The following ARID2 variants were observed in gnomAD, a reference collection of about 807,000 sequenced individuals.
ARID2 encodes AT-rich interaction domain 2, also known as AT-rich interactive domain-containing protein 2.
A neutral mutation model predicts 184.6 loss-of-function variants in ARID2; 32 were observed. The ratio of observed to expected loss-of-function variants is 0.17; its 90% CI spans 0.13 to 0.23. The LOEUF (loss-of-function observed/expected upper bound fraction) is 0.23, where lower values mean the gene tolerates loss of function less well. ARID2 is among the 10% of genes least tolerant of loss of function. The pLI, the probability that ARID2 is intolerant of heterozygous loss-of-function variation, is 1.00. For missense variants in ARID2, 1,696 were observed against 2,197.6 expected (o/e 0.77, Z 4.56); for synonymous variants, 836 against 772.6 (o/e 1.08, Z -1.36).
rs1391526207 is a variant in ARID2 at position 45,802,446 on chromosome 12, CACCCTTTAAAAAAT to C, written c.285-8971_285-8958del. 4.6e-5 allele frequency among the ~76,000 whole-genome samples: 7 copies of C among 152,234 alleles called. No homozygotes were observed. In the East Asian group the frequency reaches 1.3e-3, roughly 29 times the overall value. Reference sequence around the variant, plus strand: ...TAGAGAGAAAATACTTTTTAAAAAACACCCTTTAAAAAATGTTCCATATTGCGTGAATTTCTTTT... The same window carrying C: ...TAGAGAGAAAATACTTTTTAAAAAACGTTCCATATTGCGTGAATTTCTTTT... On this transcript the variant is annotated intron_variant, in intron 3 of 20. Transcript: ENST00000334344.
intron 3 of ARID2, among the ~76,000 whole-genome samples, chr12:45,746,100 A>ATTTTTTT (rs34374158): frequency 1.4e-5 from 2 of 140,220 alleles, no homozygotes; most frequent in Admixed American, 7.1e-5. Flanking sequence ...TTCTGGTTTG[A>ATTTTTTT]TTTTTTTTTT....
chr12:45,759,578 G>A (rs1941635727), intron 3 of ARID2, among the ~76,000 whole-genome samples: 1 of 151,994 alleles, frequency 6.6e-6, no homozygotes, highest in Non-Finnish European at 1.5e-5. Flanking sequence ...TTGAAATAGA[G>A]GAAAATATGT....
Position 45,905,281 on chromosome 12 carries a change from AG to A in ARID2, c.*205del, listed in dbSNP as rs1394925433. 4 of 472,260 alleles carry A rather than the reference AG, an allele frequency of 8.5e-6. No homozygotes were observed. Among genetic ancestry groups the A allele is most frequent in the East Asian group, 3.5e-5 (1 of 28,342 alleles). 29.3% of individuals were successfully genotyped at this position (472,260 alleles called of 1,614,324 possible). On this transcript the variant is annotated 3_prime_UTR_variant, in exon 21 of 21. Transcript: ENST00000334344. ...TGTTTAAAAAAATCTAAAAAGAAAAAGGAAAAAAAAAAAAGAACTGCTGTGG... is the reference window on the plus strand; with the variant it reads ...TGTTTAAAAAAATCTAAAAAGAAAAAGAAAAAAAAAAAAGAACTGCTGTGG...
chr12:45,848,739 T>C, intron 12 of ARID2, 97 bp from the exon 13 acceptor site: 1 of 1,018,794 alleles, frequency 9.8e-7, no homozygotes, highest in East Asian at 2.8e-5. Flanking sequence ...GGTATAATTA[T>C]TAGTTTTAAC....
At chr12:45,902,583 G>A (rs1310541023) in intron 20 of ARID2, among the ~76,000 whole-genome samples, 6 of 151,148 alleles carry the variant, frequency 4.0e-5, no homozygotes, top group Admixed American at 4.0e-4. Flanking sequence ...CCAGGCTGGA[G>A]TGTAGTGGTG....
chr12:45,760,250 G>A (rs1355429325), intron 3 of ARID2, among the ~76,000 whole-genome samples: 2 of 152,136 alleles, frequency 1.3e-5, no homozygotes, highest in Non-Finnish European at 2.9e-5. Context: ...TAATTGAAGT[G>A]TCTCTTTGGG....
intron 16 of ARID2, among the ~76,000 whole-genome samples, chr12:45,871,808 G>C (rs1369071935): frequency 2.0e-5 from 3 of 152,140 alleles, no homozygotes; most frequent in Non-Finnish European, 4.4e-5. Context: ...ATGTTATTCA[G>C]ATTATCTGTT....
chr12:45,782,426 G>A (rs545715852), intron 3 of ARID2, among the ~76,000 whole-genome samples: 16 of 152,256 alleles, frequency 1.1e-4, no homozygotes, highest in African/African-American at 3.9e-4. Context: ...GAGGTGAGGA[G>A]TTAAAGACCA....
rs146219095 is a variant in ARID2 at position 45,860,807 on chromosome 12, C to T, written c.4780C>T (p.Pro1594Ser). 1 of 1,587,662 alleles carries T rather than the reference C, an allele frequency of 6.3e-7. No individual in the cohort carries two copies. The highest frequency in any genetic ancestry group is 1.2e-5 in the South Asian group (1 of 85,384). The change falls in exon 16 of 21, where the codon CCT becomes TCT. Residue 1594 changes from proline to serine, a missense_variant. By Grantham distance (74) the Pro-to-Ser change is moderately conservative. Coordinates refer to ENST00000334344, the MANE Select transcript of ARID2 (RefSeq NM_152641.4). ...CATTTGTTCTTTTTCACAGAACACT[C>T]CTATGCCACCTTCACCAGCTGTACA... ...YVQNVVPQNTPMPPSPAVQVQ... is the reference protein window; with the variant it reads ...YVQNVVPQNTSMPPSPAVQVQ...
Position 45,837,538 on chromosome 12 carries a change from T to C in ARID2, c.1161T>C (p.Asn387=). The C allele has an allele frequency of 6.2e-7, 1 of 1,614,042 alleles. No homozygotes were observed. Among genetic ancestry groups the C allele is most frequent in the South Asian group, 1.1e-5 (1 of 91,080 alleles). ...ILGNLCKAED[N]GVLICEYVDQ... is the part of the protein sequence containing the mutation. Reference sequence around the variant, plus strand: ...GAAATCTTTGCAAAGCAGAAGATAATGGTGTTTTAATTTGTGAATATGTGG... The same window carrying C: ...GAAATCTTTGCAAAGCAGAAGATAACGGTGTTTTAATTTGTGAATATGTGG... Residue 387 remains asparagine (N), a synonymous_variant, in exon 10 of 21, where the codon AAT becomes AAC. Transcript: ENST00000334344.
chr12:45,851,496 C>A lies in ARID2; in HGVS notation c.3373C>A (p.Gln1125Lys). The A allele has an allele frequency of 6.2e-7, 1 of 1,614,130 alleles. No homozygotes were observed. Among genetic ancestry groups the A allele is most frequent in the Non-Finnish European group, 8.5e-7 (1 of 1,179,982 alleles). ...TPAQQLLVGQ[Q>K]NVQLVPSAMP... ...AGCTCAGCAGCTATTGGTTGGGCAG[C>A]AAAATGTTCAGTTGGTCCCAAGTGC... is the stretch of plus-strand genomic sequence containing the variant. Residue 1125 changes from glutamine (Q) to lysine (K), a missense_variant, in exon 15 of 21, where the codon CAA becomes AAA. By Grantham distance (53) the Gln-to-Lys change is moderately conservative. Around this residue, in one of 11 missense-constraint regions of ARID2, gnomAD observed 713 missense variants for 824.4 expected, o/e 0.86. Coordinates refer to ENST00000334344, the MANE Select transcript of ARID2 (RefSeq NM_152641.4).
At chr12:45,766,093 A>G (rs563875163) in intron 3 of ARID2, among the ~76,000 whole-genome samples, 1 of 151,900 alleles carries the variant, frequency 6.6e-6, no homozygotes, top group Admixed American at 6.5e-5. Context: ...GTTATTTCCA[A>G]TTTTTGGTTG....
intron 3 of ARID2, among the ~76,000 whole-genome samples, chr12:45,736,592 A>G (rs935102059): frequency 4.6e-5 from 7 of 152,120 alleles, no homozygotes; most frequent in Non-Finnish European, 8.8e-5. Flanking sequence ...ATTTTGTCTG[A>G]ATTGGGAAGG....
Position 45,839,514 on chromosome 12 carries a change from T to C in ARID2, c.1498+18T>C, listed in dbSNP as rs367772454. The C allele has an allele frequency of 1.1e-5, 17 of 1,602,894 alleles. No individual in the cohort carries two copies. In the African/African-American group the frequency reaches 1.9e-4, roughly 18 times the overall value. On this transcript the variant is annotated intron_variant, in intron 11 of 20. Coordinates refer to ENST00000334344, the MANE Select transcript of ARID2 (RefSeq NM_152641.4). ...TGCCCCAGGTTAGTGTTTTCACATA[T>C]TCTTTTTCAGTGTGGTTACGAGTGT...
chr12:45,729,721 A>T lies in ARID2; in HGVS notation c.-116A>T. On this transcript the variant is annotated 5_prime_UTR_variant, in exon 1 of 21. Transcript: ENST00000334344. Reference sequence around the variant, plus strand: ...CGCCGCCACCGCCGGCCCATGACTGAGCCCCGCCGCCGCCGGCCGAGGAAT... The same window carrying T: ...CGCCGCCACCGCCGGCCCATGACTGTGCCCCGCCGCCGCCGGCCGAGGAAT... 1.0e-6 allele frequency: 1 copy of T among 976,292 alleles called. No individual in the cohort carries two copies. Among genetic ancestry groups the T allele is most frequent in the Non-Finnish European group, 1.5e-6 (1 of 683,690 alleles). The allele number at this position is 976,292 out of a possible 1,614,324, so 60.5% of individuals were successfully genotyped here.
At chr12:45,872,296 C>G (rs970943449) in intron 16 of ARID2, among the ~76,000 whole-genome samples, 4 of 152,144 alleles carry the variant, frequency 2.6e-5, no homozygotes, top group African/African-American at 7.2e-5. Context: ...TTTACTATAT[C>G]CAGAAATTAT....
At chr12:45,839,299 C>G (rs2138136241) in intron 10 of ARID2, 30 bp from the exon 11 acceptor site, 2 of 1,563,670 alleles carry the variant, frequency 1.3e-6, no homozygotes, top group Non-Finnish European at 1.7e-6. Context: ...ATATTATTGA[C>G]TAATAACTAT....
chr12:45,797,333 C>T (rs1276817149), intron 3 of ARID2, among the ~76,000 whole-genome samples: 2 of 152,186 alleles, frequency 1.3e-5, no homozygotes, highest in African/African-American at 2.4e-5. Context: ...CTCCTGGATT[C>T]AAGTGATTCT....
chr12:45,757,923 C>G (rs941980991), intron 3 of ARID2, among the ~76,000 whole-genome samples: 1 of 152,132 alleles, frequency 6.6e-6, no homozygotes, highest in Non-Finnish European at 1.5e-5. Flanking sequence ...CCGTTAACTC[C>G]AGTATTTCTC....
Sources: gnomAD v4.1 joint callset for allele counts (sites outside exome capture counted in the v4.1 genomes callset) on GRCh38, gnomAD v4.1.1 for gene constraint, gnomAD v4.1.1 regional missense constraint, MANE v1.5 for transcripts, NCBI Gene and HGNC (gene_info 2026-07-23, HGNC 2026-07-21) for gene names.